The following PADI1 variants were observed in gnomAD, a reference collection of about 807,000 sequenced individuals.
The protein encoded by PADI1 is protein-arginine deiminase type-1.
In PADI1, 65 loss-of-function variants were observed where a neutral mutation model predicts 74.8. The observed-to-expected ratio is 0.87, with a 90% confidence interval of 0.71 to 1.07. The LOEUF is 1.07. PADI1 is among the 50% of genes least tolerant of loss of function. The pLI is 0.00. For synonymous variants in PADI1, 371 were observed against 336.2 expected, an observed-to-expected ratio of 1.10 and a Z score of -1.13; for missense variants, 943 against 854.0, an observed-to-expected ratio of 1.10 and a Z score of -1.30.
Position 17,244,346 on chromosome 1 carries a change from G to C in PADI1, c.*103G>C, listed in dbSNP as rs1261952480. The C allele has an allele frequency of 1.1e-6, 1 of 871,092 alleles. No individual in the cohort carries two copies. Among genetic ancestry groups the C allele is most frequent in the Admixed American group, 1.9e-5 (1 of 52,210 alleles). 54.0% of individuals were successfully genotyped at this position (871,092 alleles called of 1,614,324 possible). On this transcript the variant is annotated 3_prime_UTR_variant, in exon 16 of 16. Transcript: ENST00000375471. ...GCCTCCATTCTCTTGGGGGAGTCTT[G>C]GCACTTTGCAAACATCCTGGCCACC...
intron 2 of PADI1, among the ~76,000 whole-genome samples, chr1:17,222,832 G>A (rs571573042): frequency 2.3e-4 from 35 of 152,210 alleles, no homozygotes; most frequent in African/African-American, 7.9e-4. Context: ...ACAACAACCC[G>A]TGCAGGTGCA....
chr1:17,223,180 A>G (rs1557462414), intron 2 of PADI1, among the ~76,000 whole-genome samples: 1 of 152,096 alleles, frequency 6.6e-6, no homozygotes. Flanking sequence ...CTTGGCACGG[A>G]TTCTGGACCA....
Position 17,238,634 on chromosome 1 carries a change from G to A in PADI1, c.1477G>A (p.Ala493Thr). 2.0e-6 allele frequency: 3 copies of A among 1,534,580 alleles called. No individual in the cohort carries two copies. The highest frequency in any genetic ancestry group is 1.2e-5 in the South Asian group (1 of 81,298). ...GTGCCAGGGCTTCCGGCTGCTCCTG[G>A]CTAGCCCCAGCGCTTGCCTCAAACT... ...SDQKGFRLLL[A>T]SPSACLKLFQ... Residue 493 changes from alanine to threonine, a missense_variant, in exon 13 of 16, where the codon GCT (alanine) becomes ACT (threonine). By Grantham distance (58) the Ala-to-Thr change is moderately conservative. Coordinates refer to ENST00000375471, the MANE Select transcript of PADI1 (RefSeq NM_013358.3).
intron 4 of PADI1, 30 bp downstream of exon 4, chr1:17,224,458 C>A (rs202054770): frequency 6.3e-7 from 1 of 1,589,176 alleles, no homozygotes; most frequent in East Asian, 2.3e-5. Flanking sequence ...CCCAAGGCTG[C>A]GGGGTTGAAA....
intron 10 of PADI1, among the ~76,000 whole-genome samples, chr1:17,231,469 G>T (rs79032907): frequency 6.6e-6 from 1 of 152,182 alleles, no homozygotes; most frequent in Non-Finnish European, 1.5e-5. Context: ...TGATGGTCCA[G>T]GTAGGAGCTG....
intron 1 of PADI1, among the ~76,000 whole-genome samples, chr1:17,206,024 C>G (rs532626375): frequency 3.3e-5 from 5 of 152,158 alleles, no homozygotes; most frequent in Admixed American, 6.5e-5. Flanking sequence ...GATGGGGACT[C>G]GGGGACTCAG....
At chr1:17,223,028 G>C (rs1024771086) in intron 2 of PADI1, among the ~76,000 whole-genome samples, 2 of 152,140 alleles carry the variant, frequency 1.3e-5, no homozygotes, top group African/African-American at 4.8e-5. Context: ...GTTGAGGGAG[G>C]GGCTCAGGAG....
chr1:17,214,496 T>C (rs1446553409), intron 1 of PADI1, among the ~76,000 whole-genome samples: 3 of 152,122 alleles, frequency 2.0e-5, no homozygotes, highest in Non-Finnish European at 4.4e-5. Context: ...CCTTTTTTAT[T>C]TGGAGGGGTG....
In PADI1 at chr1:17,244,288, C is replaced by T; in HGVS notation, c.*45C>T. 6.8e-7 allele frequency: 1 copy of T among 1,469,874 alleles called. No homozygotes were observed. Among genetic ancestry groups the T allele is most frequent in the Non-Finnish European group, 9.5e-7 (1 of 1,048,618 alleles). The allele number at this position is 1,469,874 out of a possible 1,614,324, so 91.1% of individuals were successfully genotyped here. On this transcript the variant is annotated 3_prime_UTR_variant, in exon 16 of 16. Coordinates refer to ENST00000375471, the MANE Select transcript of PADI1 (RefSeq NM_013358.3). ...CCTCTCTGCCCTCTTGCTAGGGAAC[C>T]CTGCCAGGGTGAAGGCAAGGAACAA... is the stretch of plus-strand genomic sequence containing the variant.
chr1:17,232,713 T>G, intron 10 of PADI1, 106 bp from the exon 11 acceptor site: 1 of 935,456 alleles, frequency 1.1e-6, no homozygotes. Context: ...CTAAGAGCCA[T>G]GGAGTGGGAG....
rs367912075 is a variant in PADI1, at chr1:17,244,200, G to T, written c.1949G>T (p.Arg650Leu). 2.5e-6 allele frequency: 4 copies of T among 1,614,134 alleles called. No homozygotes were observed. The highest frequency in any genetic ancestry group is 3.4e-6 in the Non-Finnish European group (4 of 1,179,992). ...QGEIHCGTNV[R>L]RKPFPFKWWN... Reference sequence around the variant, plus strand: ...GAGATCCACTGTGGCACCAACGTGCGCAGGAAGCCCTTTCCCTTCAAATGG... The same window carrying T: ...GAGATCCACTGTGGCACCAACGTGCTCAGGAAGCCCTTTCCCTTCAAATGG... Residue 650 changes from arginine to leucine, a missense_variant, in exon 16 of 16, where the codon CGC becomes CTC. Arg to Leu is a moderately radical substitution (Grantham distance 102, BLOSUM62 -2). Transcript: ENST00000375471.
intron 1 of PADI1, among the ~76,000 whole-genome samples, chr1:17,211,606 T>C (rs1553124369): frequency 6.6e-6 from 1 of 152,212 alleles, no homozygotes; most frequent in Non-Finnish European, 1.5e-5. Flanking sequence ...AGCCCACAAA[T>C]GCCAGAGCTG....
intron 1 of PADI1, among the ~76,000 whole-genome samples, chr1:17,208,783 G>A (rs1453191068): frequency 6.6e-6 from 1 of 152,226 alleles, no homozygotes; most frequent in Non-Finnish European, 1.5e-5. Context: ...AAAGACAGGG[G>A]TGGGAAGTGT....
rs542315886 is a variant in PADI1 at position 17,219,762 on chromosome 1, A to AG, written c.93-2525dup. ...GAGTGAAGAAAGATGATGATCTGGAAGGGACATTGAGGAGCATGAAGGACC... is the reference window on the plus strand; with the variant it reads ...GAGTGAAGAAAGATGATGATCTGGAAGGGGACATTGAGGAGCATGAAGGACC... On this transcript the variant is annotated intron_variant, in intron 1 of 15. Transcript: ENST00000375471. Among the ~76,000 whole-genome samples, 64 of 152,176 alleles carry AG rather than the reference A, an allele frequency of 4.2e-4. No individual in the cohort carries two copies. In the East Asian group the frequency reaches 0.012, roughly 29 times the overall value.
At chr1:17,233,088 G>A (rs886300747) in intron 11 of PADI1, 118 bp downstream of exon 11, 29 of 969,666 alleles carry the variant, frequency 3.0e-5, no homozygotes, top group African/African-American at 5.0e-5. Flanking sequence ...AACTTCCTGC[G>A]TGGAATCCTG....
chr1:17,241,342 A>C (rs1270716575), intron 15 of PADI1, among the ~76,000 whole-genome samples: 1 of 152,270 alleles, frequency 6.6e-6, no homozygotes, highest in African/African-American at 2.4e-5. Context: ...CCTCTTGGGA[A>C]AGGATGTTGG....
In PADI1 at chr1:17,240,672, A is replaced by C. The variant is rs765756009; in HGVS notation, c.1670A>C (p.Glu557Ala). The C allele has an allele frequency of 2.9e-5, 47 of 1,613,958 alleles. No individual in the cohort carries two copies. In the South Asian group the frequency reaches 4.1e-4, roughly 14 times the overall value. ...IDWNRNVLKR[E>A]LGLAESDIVD... ...TGGAACCGTAATGTGCTGAAGCGGGAGCTGGGCCTGGCAGAGAGTGACATC... is the reference window on the plus strand; with the variant it reads ...TGGAACCGTAATGTGCTGAAGCGGGCGCTGGGCCTGGCAGAGAGTGACATC... The change falls in exon 15 of 16, where the codon GAG becomes GCG. Residue 557 changes from glutamate to alanine, a missense_variant. Physicochemically the swap from Glu to Ala is moderately radical, Grantham distance 107. Coordinates refer to ENST00000375471, the MANE Select transcript of PADI1 (RefSeq NM_013358.3).
chr1:17,235,038 A>G (rs2072594884), intron 11 of PADI1, among the ~76,000 whole-genome samples: 1 of 151,712 alleles, frequency 6.6e-6, no homozygotes, highest in Non-Finnish European at 1.5e-5. Context: ...AATTGCTTGA[A>G]TCCAGGAGGC....
chr1:17,209,236 C>T (rs1260873552), intron 1 of PADI1, among the ~76,000 whole-genome samples: 1 of 152,172 alleles, frequency 6.6e-6, no homozygotes, highest in Non-Finnish European at 1.5e-5. Context: ...TAATTTCCAG[C>T]GACCGACAGG....
Sources: gnomAD v4.1 joint callset for allele counts (sites outside exome capture counted in the v4.1 genomes callset) on GRCh38, gnomAD v4.1.1 for gene constraint, MANE v1.5 for transcripts, NCBI Gene and HGNC (gene_info 2026-07-23, HGNC 2026-07-21) for gene names.